Variants in ATL2 observed in about 807,000 individuals in gnomAD.
The protein encoded by ATL2 is atlastin GTPase 2.
A neutral mutation model predicts 73.9 loss-of-function variants in ATL2; 31 were observed. The observed-to-expected ratio is 0.42, with a 90% CI of 0.32 to 0.57. ATL2 has a LOEUF of 0.57. Among genes scored for constraint, ATL2 ranks in the 20% least tolerant of loss-of-function variants. The probability of loss-of-function intolerance (pLI) is 0.14; values close to 1 mark genes in which losing one functional copy is unlikely to be tolerated. For missense variants in ATL2, 738 were observed against 702.6 expected, an observed-to-expected ratio of 1.05 and a Z score of -0.57; for synonymous variants, 291 against 237.5, an observed-to-expected ratio of 1.23 and a Z score of -2.07.
chr2:38,355,272 G>A (rs1346665399), intron 1 of ATL2, among the ~76,000 whole-genome samples: 3 of 151,908 alleles, frequency 2.0e-5, no homozygotes, highest in Non-Finnish European at 2.9e-5. Flanking sequence ...GATTACAGTC[G>A]CCCTCCACCA....
intron 2 of ATL2, among the ~76,000 whole-genome samples, chr2:38,324,443 T>C (rs564208947): frequency 2.2e-4 from 34 of 152,304 alleles, no homozygotes; most frequent in Middle Eastern, 6.8e-3. Flanking sequence ...ACACAATAAA[T>C]ACTGTACACA....
In ATL2 at chr2:38,300,322, T is replaced by C. The variant is rs1266810902; in HGVS notation, c.1078A>G (p.Ile360Val). ...AGTTCTTCTCCTTGATAGATTTTGA[T>C]GTAAGCCTAAAAAGGGAGAAGATTT... The part of the protein sequence containing the change: ...RDLVEYFKAY[I>V]KIYQGEELPH... Residue 360 changes from isoleucine (I) to valine (V), a missense_variant, in exon 10 of 13, where the codon ATC (isoleucine) becomes GTC (valine). By Grantham distance (29) the Ile-to-Val change is conservative. Transcript: ENST00000378954. 3.1e-6 allele frequency: 5 copies of C among 1,608,296 alleles called. No homozygotes were observed. Among genetic ancestry groups the C allele is most frequent in the Admixed American group, 1.7e-5 (1 of 59,990 alleles).
chr2:38,325,711 C>CT (rs1668603585), intron 2 of ATL2, among the ~76,000 whole-genome samples: 1 of 102,660 alleles, frequency 9.7e-6, no homozygotes, highest in African/African-American at 7.4e-5. Context: ...CACACACACA[C>CT]ACACACACAC....
chr2:38,355,590 G>A (rs1176252386), intron 1 of ATL2, among the ~76,000 whole-genome samples: 1 of 151,924 alleles, frequency 6.6e-6, no homozygotes, highest in African/African-American at 2.4e-5. Context: ...TATAAAATGT[G>A]TACTCATCAG....
At chr2:38,333,319 G>A (rs1669112123) in intron 2 of ATL2, among the ~76,000 whole-genome samples, 2 of 152,100 alleles carry the variant, frequency 1.3e-5, no homozygotes, top group African/African-American at 4.8e-5. Flanking sequence ...TTTAAAAAAT[G>A]TACAAGCTAA....
chr2:38,352,486 G>C (rs528739429), intron 1 of ATL2, among the ~76,000 whole-genome samples: 1 of 152,126 alleles, frequency 6.6e-6, no homozygotes, highest in African/African-American at 2.4e-5. Flanking sequence ...CTGAATTCAA[G>C]ATTGCTAGAG....
intron 2 of ATL2, among the ~76,000 whole-genome samples, chr2:38,336,976 G>A (rs1669393675): frequency 6.6e-6 from 1 of 152,104 alleles, no homozygotes; most frequent in Non-Finnish European, 1.5e-5. Context: ...ACAACTTACA[G>A]AAGATTCACA....
At position 38,300,348 on chromosome 2, in the gene ATL2, G is replaced by C; in HGVS notation, c.1072-20C>G. On this transcript the variant is annotated intron_variant, in intron 9 of 12. Transcript: ENST00000378954. ...GTAAGCCTAAAAAGGGAGAAGATTT[G>C]TTAGACTGACGGATTATGCAATTTG... 1 of 1,584,082 alleles carries C rather than the reference G, an allele frequency of 6.3e-7. No homozygotes were observed. The highest frequency in any genetic ancestry group is 8.7e-7 in the Non-Finnish European group (1 of 1,153,510).
At chr2:38,322,584 A>G (rs1392105794) in intron 2 of ATL2, among the ~76,000 whole-genome samples, 1 of 152,208 alleles carries the variant, frequency 6.6e-6, no homozygotes, top group Non-Finnish European at 1.5e-5. Flanking sequence ...ATAGGCTTAT[A>G]TGTTTGCCAG....
At chr2:38,304,862 G>A (rs1667367145) in intron 9 of ATL2, among the ~76,000 whole-genome samples, 2 of 152,024 alleles carry the variant, frequency 1.3e-5, no homozygotes, top group African/African-American at 4.8e-5. Flanking sequence ...AAGACAGGCA[G>A]GTAGGAAGAC....
At chr2:38,344,080 A>C (rs182555525) in intron 1 of ATL2, among the ~76,000 whole-genome samples, 24 of 152,252 alleles carry the variant, frequency 1.6e-4, no homozygotes, top group Admixed American at 1.4e-3. Context: ...ATAAACAATA[A>C]TACTAAATAT....
At chr2:38,340,571 T>C (rs949196358) in intron 2 of ATL2, among the ~76,000 whole-genome samples, 1 of 150,222 alleles carries the variant, frequency 6.7e-6, no homozygotes, top group African/African-American at 2.5e-5. Flanking sequence ...CATACTTACA[T>C]ACATTGACTC....
At chr2:38,372,100 G>A (rs998262168) in intron 1 of ATL2, among the ~76,000 whole-genome samples, 1 of 145,196 alleles carries the variant, frequency 6.9e-6, no homozygotes, top group East Asian at 2.0e-4. Context: ...GAGATTCACT[G>A]TTAGTATGGT....
At chr2:38,307,381 T>C (rs1667509238) in intron 9 of ATL2, among the ~76,000 whole-genome samples, 1 of 151,338 alleles carries the variant, frequency 6.6e-6, no homozygotes. Flanking sequence ...AATGGAGCCT[T>C]GCTCTGTCGC....
chr2:38,368,548 A>T (rs1270700761), intron 1 of ATL2, among the ~76,000 whole-genome samples: 1 of 152,126 alleles, frequency 6.6e-6, no homozygotes, highest in East Asian at 1.9e-4. Flanking sequence ...CACTGCACCC[A>T]GCCATAACAA....
At chr2:38,354,114 C>G in intron 1 of ATL2, 1 of 410,574 alleles carries the variant, frequency 2.4e-6, no homozygotes, top group Non-Finnish European at 4.8e-6. Context: ...ATCACTTGAA[C>G]CCGGGAGGTT....
rs141288817 is a variant in ATL2 at position 38,343,352 on chromosome 2, G to A, written c.279C>T (p.Asn93=). The A allele has an allele frequency of 3.1e-6, 5 of 1,611,224 alleles. No individual in the cohort carries two copies. Among genetic ancestry groups the A allele is most frequent in the African/African-American group, 1.4e-5 (1 of 74,034 alleles). Reference sequence around the variant, plus strand: ...CTCCTGCCACAGATACCACTACTATGTTAAGATCTCGTATGTGCTCCTGTA... The same window carrying A: ...CTCCTGCCACAGATACCACTACTATATTAAGATCTCGTATGTGCTCCTGTA... ...ILLQEHIRDL[N]IVVVSVAGAF... Residue 93 remains asparagine, a synonymous_variant, in exon 2 of 13, where the codon AAC becomes AAT. Coordinates refer to ENST00000378954, the MANE Select transcript of ATL2 (RefSeq NM_001135673.4).
chr2:38,359,976 A>G (rs566886514), intron 1 of ATL2, among the ~76,000 whole-genome samples: 1 of 151,968 alleles, frequency 6.6e-6, no homozygotes, highest in Admixed American at 6.6e-5. Flanking sequence ...AAAAATACCA[A>G]AAAAATAGCT....
chr2:38,311,051 C>T (rs563732785), intron 7 of ATL2, among the ~76,000 whole-genome samples: 17 of 152,010 alleles, frequency 1.1e-4, no homozygotes, highest in African/African-American at 3.9e-4. Context: ...ATGGCTGTGA[C>T]TTATACACCA....
Sources: allele counts gnomAD v4.1 joint callset (sites outside exome capture counted in the v4.1 genomes callset), GRCh38; gene constraint gnomAD v4.1.1; transcripts MANE v1.5; gene names NCBI Gene and HGNC (gene_info 2026-07-23, HGNC 2026-07-21).